Variants in SLC30A6 observed in about 807,000 individuals in gnomAD.
The protein encoded by SLC30A6 is solute carrier family 30 member 6.
SLC30A6 carries 55 observed loss-of-function variants against 63.0 expected under a neutral mutation model. The ratio of observed to expected loss-of-function variants is 0.87; its 90% confidence interval spans 0.70 to 1.09. SLC30A6 has a LOEUF of 1.09. Among genes scored for constraint, SLC30A6 ranks in the 50% least tolerant of loss-of-function variants. The pLI, the probability that SLC30A6 is intolerant of heterozygous loss-of-function variation, is 0.00. For synonymous variants in SLC30A6, 224 were observed against 186.1 expected (o/e 1.20, Z -1.66); for missense variants, 587 against 549.2 (o/e 1.07, Z -0.69).
chr2:32,206,212 C>T (rs549940712), intron 11 of SLC30A6, among the ~76,000 whole-genome samples: 11 of 151,512 alleles, frequency 7.3e-5, no homozygotes, highest in Admixed American at 3.3e-4. Flanking sequence ...TTTGGGAGGC[C>T]GAGGTGGTTA....
intron 10 of SLC30A6, 50 bp downstream of exon 10, chr2:32,197,876 C>A: frequency 6.2e-7 from 1 of 1,603,588 alleles, no homozygotes; most frequent in South Asian, 1.1e-5. Context: ...TGGGGACTTA[C>A]TTTTAAGGGC....
intron 12 of SLC30A6, among the ~76,000 whole-genome samples, chr2:32,207,797 T>A (rs1043152524): frequency 2.1e-5 from 3 of 144,676 alleles, no homozygotes; most frequent in African/African-American, 7.7e-5. Context: ...GCCTCCTGAG[T>A]TCAAGTGATT....
At chr2:32,195,457 ATTG>A (rs1337604252) in intron 8 of SLC30A6, among the ~76,000 whole-genome samples, 2 of 151,996 alleles carry the variant, frequency 1.3e-5, no homozygotes, top group Non-Finnish European at 2.9e-5. Flanking sequence ...TTTGCATAAT[ATTG>A]TTATGAATAT....
chr2:32,200,114 G>T (rs1363696616), intron 10 of SLC30A6, among the ~76,000 whole-genome samples: 1 of 150,798 alleles, frequency 6.6e-6, no homozygotes, highest in Non-Finnish European at 1.5e-5. Context: ...AATATGTGTT[G>T]ATATATATAT....
chr2:32,174,262 G>T, intron 3 of SLC30A6, 115 bp downstream of exon 3: 1 of 642,546 alleles, frequency 1.6e-6, no homozygotes, highest in Non-Finnish European at 2.5e-6. Context: ...TAACTCAAAT[G>T]ATTTAAATAA....
intron 10 of SLC30A6, among the ~76,000 whole-genome samples, chr2:32,199,363 T>G (rs77803927): frequency 0.085 from 12,962 of 152,256 alleles, 681 homozygotes; most frequent in Middle Eastern, 0.19. Context: ...TACCCAGAAG[T>G]GAAATTACTG....
chr2:32,213,347 G>A (rs1380102583), intron 13 of SLC30A6, among the ~76,000 whole-genome samples: 1 of 142,002 alleles, frequency 7.0e-6, no homozygotes, highest in Non-Finnish European at 1.5e-5. Context: ...GGTTACTTTC[G>A]AGACTCATAG....
intron 7 of SLC30A6, among the ~76,000 whole-genome samples, 168 bp downstream of exon 7, chr2:32,193,121 A>G (rs944355081): frequency 6.6e-6 from 1 of 152,136 alleles, no homozygotes; most frequent in African/African-American, 2.4e-5. Flanking sequence ...CTTTACTCTT[A>G]ACAGTTCCCA....
intron 10 of SLC30A6, chr2:32,201,956 C>T (rs1684327672): frequency 2.8e-6 from 4 of 1,435,056 alleles, no homozygotes; most frequent in East Asian, 4.7e-5. Context: ...AATAGACTTT[C>T]AGATGAATTC....
chr2:32,176,565 G>A (rs1681761454), intron 4 of SLC30A6, among the ~76,000 whole-genome samples: 1 of 151,252 alleles, frequency 6.6e-6, no homozygotes, highest in South Asian at 2.1e-4. Flanking sequence ...GGCTGAGGCA[G>A]GACAATTGCT....
intron 4 of SLC30A6, among the ~76,000 whole-genome samples, chr2:32,176,147 G>A (rs1681718149): frequency 6.6e-6 from 1 of 151,556 alleles, no homozygotes; most frequent in South Asian, 2.1e-4. Flanking sequence ...AAAAAGAAAA[G>A]GAAGAAAAAA....
Position 32,218,520 on chromosome 2 carries a change from CTTTTGTTTTGTTTTGTTTTG to C in SLC30A6, c.886-1656_886-1637del, listed in dbSNP as rs57425197. 7.4e-3 allele frequency among the ~76,000 whole-genome samples: 1,062 copies of C among 143,210 alleles called. 12 individuals carry two copies. Among genetic ancestry groups the C allele is most frequent in the African/African-American group, 0.023 (875 of 37,940 alleles). 94.0% of individuals were successfully genotyped at this position (143,210 alleles called of 152,430 possible). ...ATTTTTGGCCTGGCTCAGCTCTCCT[CTTTTGTTTTGTTTTGTTTTG>C]TTTTGTTTTGTTTTGTTTTGTTTTG... On this transcript the variant is annotated intron_variant, in intron 13 of 13. Transcript: ENST00000282587.
At position 32,222,145 on chromosome 2, in the gene SLC30A6, T is replaced by G. The variant is rs1471799926; in HGVS notation, c.*1432T>G. 6.6e-6 allele frequency: 1 copy of G among 152,194 alleles called. No individual in the cohort carries two copies. The highest frequency in any genetic ancestry group is 1.5e-5 in the Non-Finnish European group (1 of 68,038). 9.4% of individuals were successfully genotyped at this position (152,194 alleles called of 1,614,324 possible). A position where few individuals can be genotyped will look rare whatever the true frequency, so the allele number is the denominator to read the frequency against. On this transcript the variant is annotated 3_prime_UTR_variant, in exon 14 of 14. Coordinates refer to ENST00000282587, the MANE Select transcript of SLC30A6 (RefSeq NM_017964.5). Reference sequence around the variant, plus strand: ...GATGAAATGTGAGAATTACATAGATTATGTTATTTTTTAGTTGTTTTCCAA... The same window carrying G: ...GATGAAATGTGAGAATTACATAGATGATGTTATTTTTTAGTTGTTTTCCAA...
chr2:32,202,704 G>A, intron 10 of SLC30A6: 1 of 672,788 alleles, frequency 1.5e-6, no homozygotes, highest in Non-Finnish European at 2.7e-6. Context: ...AGGTTTTGCT[G>A]AACAAGTTGA....
In SLC30A6 at chr2:32,184,281, CAT is replaced by C; in HGVS notation, c.228_229del (p.Cys77PhefsTer12). ...TTTTTCTTTTTACTTAGTTTAATGA[CAT>C]GTTTAATAAGTTACTGGGTAACATT... On this transcript the variant is annotated frameshift_variant, in exon 5 of 14. Transcript: ENST00000282587. LOFTEE classifies it high-confidence loss of function. 1 of 1,533,266 alleles carries C rather than the reference CAT, an allele frequency of 6.5e-7. No individual in the cohort carries two copies. The highest frequency in any genetic ancestry group is 8.8e-7 in the Non-Finnish European group (1 of 1,131,868). The allele number at this position is 1,533,266 out of a possible 1,614,324, so 95.0% of individuals were successfully genotyped here.
chr2:32,172,813 C>T (rs534869473), intron 2 of SLC30A6, among the ~76,000 whole-genome samples: 30 of 152,218 alleles, frequency 2.0e-4, no homozygotes, highest in Admixed American at 1.8e-3. Context: ...GATGTTCTTT[C>T]GTTTCTATCC....
chr2:32,172,496 A>G (rs1371166810), intron 2 of SLC30A6, among the ~76,000 whole-genome samples: 1 of 151,904 alleles, frequency 6.6e-6, no homozygotes, highest in African/African-American at 2.4e-5. Context: ...TTACAGGGGT[A>G]CACCACCACT....
chr2:32,205,132 GT>G (rs1684635724), intron 11 of SLC30A6, among the ~76,000 whole-genome samples: 1 of 151,948 alleles, frequency 6.6e-6, no homozygotes, highest in African/African-American at 2.4e-5. Flanking sequence ...AATTACAAAA[GT>G]TTTTTGGCCA....
intron 4 of SLC30A6, among the ~76,000 whole-genome samples, chr2:32,177,951 T>A (rs1052715799): frequency 6.7e-6 from 1 of 149,118 alleles, no homozygotes; most frequent in Middle Eastern, 3.2e-3. Flanking sequence ...TTAATTTTTT[T>A]TTTTTTTTTT....
Sources: allele counts gnomAD v4.1 joint callset (sites outside exome capture counted in the v4.1 genomes callset), GRCh38; gene constraint gnomAD v4.1.1; transcripts MANE v1.5; gene names NCBI Gene and HGNC (gene_info 2026-07-23, HGNC 2026-07-21).